Variants in TXNRD2 observed in about 807,000 individuals in gnomAD.
TXNRD2 encodes thioredoxin reductase 2.
Under a neutral mutation model 70.8 loss-of-function variants are expected in TXNRD2, and 67 were observed. That is an observed-to-expected ratio of 0.95 (90% CI 0.78 to 1.16). The LOEUF (loss-of-function observed/expected upper bound fraction) is 1.16, where lower values mean the gene tolerates loss of function less well. Ranked by LOEUF, TXNRD2 falls within the 50% of genes most tolerant of loss-of-function variation. The probability of loss-of-function intolerance (pLI) is 0.00; values close to 1 mark genes in which losing one functional copy is unlikely to be tolerated. For missense variants in TXNRD2, 644 were observed against 719.9 expected (o/e 0.89, Z 1.21); for synonymous variants, 301 against 295.8 (o/e 1.02, Z -0.18).
intron 14 of TXNRD2, 67 bp downstream of exon 14, chr22:19,880,112 C>T (rs1210528142): frequency 1.2e-5 from 19 of 1,541,744 alleles, no homozygotes; most frequent in South Asian, 3.4e-5. Flanking sequence ...ACAAGGCCTC[C>T]GCCCAGAGCA....
rs559420848 is a variant in TXNRD2 at position 19,936,283 on chromosome 22, C to G, written c.104-5185G>C. The stretch of plus-strand genomic sequence containing the variant: ...TCTTCCTCAGCTTTCCTCTCCCACT[C>G]GGCCTTCATTATCTGCTCAGCCCCT... On this transcript the variant is annotated intron_variant, in intron 1 of 17. Transcript: ENST00000400521. Among the ~76,000 whole-genome samples the G allele has an allele frequency of 1.1e-3, 159 of 146,332 alleles. 1 individual carries two copies. Among genetic ancestry groups the G allele is most frequent in the Non-Finnish European group, 2.0e-3 (135 of 65,910 alleles).
rs750093544 is a variant in TXNRD2, at chr22:19,941,709, C to T, written c.95G>A (p.Gly32Asp). 4.7e-6 allele frequency: 7 copies of T among 1,483,916 alleles called. No homozygotes were observed. In the Admixed American group the frequency reaches 1.4e-4, roughly 29 times the overall value. 91.9% of individuals were successfully genotyped at this position (1,483,916 alleles called of 1,614,324 possible). The part of the protein sequence containing the change: ...VAGGVRGAAR[G>D]AAAGQRDYDL... The stretch of plus-strand genomic sequence containing the variant: ...CCCCGACCCCATCCTACCTGCTGCG[C>T]CCCGCGCCGCGCCCCGCACCCCGCC... The change falls in exon 1 of 18, where the codon GGC becomes GAC. Residue 32 changes from glycine to aspartate, a missense_variant. Gly to Asp is a moderately conservative substitution (Grantham distance 94). Transcript: ENST00000400521.
chr22:19,901,465 C>G (rs748374722), intron 8 of TXNRD2, among the ~76,000 whole-genome samples: 1 of 152,200 alleles, frequency 6.6e-6, no homozygotes, highest in African/African-American at 2.4e-5. Context: ...GCTCACGTCT[C>G]GCTCGTGTGG....
rs371113595 is a variant in TXNRD2, at chr22:19,877,077, C to T, written c.*28G>A. ...TCCGAGGAGCTGGCGGCGGGCGCACCGTGTGCCCTGGCCTGCAGGGATGGC... is the reference window on the plus strand; with the variant it reads ...TCCGAGGAGCTGGCGGCGGGCGCACTGTGTGCCCTGGCCTGCAGGGATGGC... On this transcript the variant is annotated 3_prime_UTR_variant, in exon 17 of 18. Coordinates refer to ENST00000400521, the MANE Select transcript of TXNRD2 (RefSeq NM_006440.5). 3.0e-5 allele frequency: 48 copies of T among 1,579,882 alleles called. No individual in the cohort carries two copies. The Middle Eastern group carries it at 5.2e-4, about 17-fold the overall frequency.
intron 8 of TXNRD2, among the ~76,000 whole-genome samples, chr22:19,907,748 C>A (rs796411452): frequency 1.5e-4 from 5 of 32,458 alleles, no homozygotes; most frequent in South Asian, 1.8e-3. Context: ...TAGCAGCGAC[C>A]GCTCTCAGGA....
Position 19,899,082 on chromosome 22 carries a change from A to G in TXNRD2, c.663-14T>C. 2 of 1,607,372 alleles carry G rather than the reference A, an allele frequency of 1.2e-6. No individual in the cohort carries two copies. The highest frequency in any genetic ancestry group is 2.2e-5 in the South Asian group (2 of 91,084). On this transcript the variant is annotated splice_polypyrimidine_tract_variant and intron_variant, in intron 8 of 17. Coordinates refer to ENST00000400521, the MANE Select transcript of TXNRD2 (RefSeq NM_006440.5). ...CCGACCACCAACCTGTTAGAGAAACAGAGAGAGAGCACATGTAAAGCTGAG... is the reference window on the plus strand; with the variant it reads ...CCGACCACCAACCTGTTAGAGAAACGGAGAGAGAGCACATGTAAAGCTGAG...
chr22:19,925,104 G>A (rs144844607), intron 2 of TXNRD2, among the ~76,000 whole-genome samples: 4,727 of 150,910 alleles, frequency 0.031, 165 homozygotes, highest in South Asian at 0.11. Context: ...CTAACACGGC[G>A]AAGCCCCGTT....
intron 1 of TXNRD2, chr22:19,932,551 C>T (rs1281527363): frequency 5.4e-6 from 8 of 1,491,600 alleles, no homozygotes; most frequent in African/African-American, 1.4e-5. Context: ...GCCTGAGGTC[C>T]GGGACACCCA....
At chr22:19,941,116 CACATA>C (rs1941697183) in intron 1 of TXNRD2, among the ~76,000 whole-genome samples, 1 of 152,152 alleles carries the variant, frequency 6.6e-6, no homozygotes, top group African/African-American at 2.4e-5. Context: ...AAACTGGCCA[CACATA>C]ACAGATATGG....
intron 8 of TXNRD2, among the ~76,000 whole-genome samples, chr22:19,900,751 A>C (rs996645066): frequency 4.2e-5 from 1 of 23,556 alleles, no homozygotes; most frequent in Non-Finnish European, 6.8e-5. Context: ...CTCCATCACA[A>C]AAAAAAAAAA....
intron 8 of TXNRD2, among the ~76,000 whole-genome samples, chr22:19,900,253 G>C (rs1272842305): frequency 2.6e-5 from 4 of 152,172 alleles, no homozygotes; most frequent in African/African-American, 9.7e-5. Flanking sequence ...CAGCCAAGCA[G>C]GATTGCAGAG....
At chr22:19,905,668 T>C (rs1175154767) in intron 8 of TXNRD2, among the ~76,000 whole-genome samples, 1 of 151,994 alleles carries the variant, frequency 6.6e-6, no homozygotes, top group Non-Finnish European at 1.5e-5. Context: ...GCCATTTCCC[T>C]GAAGGTCCAG....
intron 2 of TXNRD2, among the ~76,000 whole-genome samples, chr22:19,922,226 A>T (rs147242488): frequency 6.6e-6 from 1 of 152,322 alleles, no homozygotes; most frequent in Non-Finnish European, 1.5e-5. Context: ...AGCAGAAAAG[A>T]TCAATAAAAC....
Position 19,886,696 on chromosome 22 carries a change from C to T in TXNRD2, c.950-3235G>A, listed in dbSNP as rs544357419. Among the ~76,000 whole-genome samples, 3 of 152,382 alleles carry T rather than the reference C, an allele frequency of 2.0e-5. No individual in the cohort carries two copies. In the East Asian group the frequency reaches 5.8e-4, roughly 29 times the overall value. ...CCCTGCATGTTGTGCTCAGAGCTTT[C>T]CCAGCTGTGCCTGTGGCCCACTGCA... On this transcript the variant is annotated intron_variant, in intron 11 of 17. Coordinates refer to ENST00000400521, the MANE Select transcript of TXNRD2 (RefSeq NM_006440.5).
At chr22:19,931,521 G>A (rs948332216) in intron 1 of TXNRD2, among the ~76,000 whole-genome samples, 1 of 152,134 alleles carries the variant, frequency 6.6e-6, no homozygotes, top group Non-Finnish European at 1.5e-5. Flanking sequence ...GCACAGGGCT[G>A]GGACATAGAC....
intron 2 of TXNRD2, among the ~76,000 whole-genome samples, chr22:19,923,755 T>C (rs1601464977): frequency 6.6e-6 from 1 of 150,562 alleles, no homozygotes; most frequent in East Asian, 2.0e-4. Flanking sequence ...TGAGCCGAGA[T>C]GGCACCACTG....
At chr22:19,876,806 T>G in intron 17 of TXNRD2, 3 of 294,554 alleles carry the variant, frequency 1.0e-5, no homozygotes, top group East Asian at 5.7e-5. Flanking sequence ...ACCTCCTGTG[T>G]GTGGGGAGCA....
intron 2 of TXNRD2, among the ~76,000 whole-genome samples, chr22:19,925,373 C>T (rs1407483311): frequency 6.6e-6 from 1 of 151,700 alleles, no homozygotes; most frequent in Non-Finnish European, 1.5e-5. Flanking sequence ...GAATTCATTA[C>T]CCCCAGAGCC....
At chr22:19,933,198 G>A (rs982624052) in intron 1 of TXNRD2, among the ~76,000 whole-genome samples, 3 of 152,248 alleles carry the variant, frequency 2.0e-5, no homozygotes, top group Non-Finnish European at 2.9e-5. Context: ...GCCACAACTC[G>A]GTTCCAACAG....
Sources: gnomAD v4.1 joint callset for allele counts (sites outside exome capture counted in the v4.1 genomes callset) on GRCh38, gnomAD v4.1.1 for gene constraint, MANE v1.5 for transcripts, NCBI Gene and HGNC (gene_info 2026-07-23, HGNC 2026-07-21) for gene names.